Variants in PRDM16 observed in about 807,000 individuals in gnomAD.
PRDM16 encodes PR/SET domain 16.
A neutral mutation model predicts 110.6 loss-of-function variants in PRDM16; 23 were observed. The observed-to-expected ratio is 0.21, with a 90% CI of 0.15 to 0.29. The LOEUF (loss-of-function observed/expected upper bound fraction) is 0.29. Ranked by LOEUF, PRDM16 falls within the 10% of genes least tolerant of loss-of-function variation. The pLI is 1.00. For missense variants in PRDM16, 1,615 were observed against 1,794.3 expected (o/e 0.90, Z 1.81); for synonymous variants, 799 against 781.8 (o/e 1.02, Z -0.37).
rs567495919 is a variant in PRDM16, at chr1:3,279,491, T to C, written c.438+35354T>C. On this transcript the variant is annotated intron_variant, in intron 3 of 16. Transcript: ENST00000270722. ...GTCAGTCTGGGACGCCCTGCACGCC[T>C]GCCCCTGCCACCAGGCTGGCTTCCT... Among the ~76,000 whole-genome samples the C allele has an allele frequency of 7.2e-5, 11 of 152,358 alleles. No individual in the cohort carries two copies. In the South Asian group the frequency reaches 1.7e-3, roughly 23 times the overall value.
chr1:3,399,550 G>A (rs181018828), intron 5 of PRDM16, among the ~76,000 whole-genome samples: 32 of 152,302 alleles, frequency 2.1e-4, no homozygotes, highest in African/African-American at 7.0e-4. Context: ...CTCTGATGGG[G>A]GCCCAGCTCC....
At chr1:3,118,573 C>T (rs770023820) in intron 1 of PRDM16, among the ~76,000 whole-genome samples, 9 of 152,242 alleles carry the variant, frequency 5.9e-5, no homozygotes, top group Non-Finnish European at 8.8e-5. Context: ...GAACAAAACA[C>T]CACCAGGAGA....
intron 3 of PRDM16, among the ~76,000 whole-genome samples, chr1:3,299,898 C>T (rs2455138): frequency 4.4e-3 from 156 of 35,704 alleles, no homozygotes; most frequent in Middle Eastern, 0.019. Context: ...TTGAAGATGC[C>T]GTGCTGTGGC....
rs367790934 is a variant in PRDM16, at chr1:3,290,129, A to G, written c.438+45992A>G. Reference sequence around the variant, plus strand: ...CTCACAGAGTGCATGTGTCATGCTGATGTGACAAACCCGGGCGCTGTTCTC... The same window carrying G: ...CTCACAGAGTGCATGTGTCATGCTGGTGTGACAAACCCGGGCGCTGTTCTC... On this transcript the variant is annotated intron_variant, in intron 3 of 16. Transcript: ENST00000270722. The surrounding 1 kb of genome is among the most constrained non-coding windows in gnomAD (Gnocchi z 4.8). Among the ~76,000 whole-genome samples the G allele has an allele frequency of 3.9e-5, 6 of 152,308 alleles. No homozygotes were observed. The East Asian group carries it at 1.2e-3, about 29-fold the overall frequency.
At chr1:3,413,576 G>C (rs576966016) in intron 9 of PRDM16, among the ~76,000 whole-genome samples, 26 of 152,290 alleles carry the variant, frequency 1.7e-4, no homozygotes, top group Non-Finnish European at 3.5e-4. Flanking sequence ...TCCCCGCTTC[G>C]CCATGCAAGG....
At chr1:3,071,886 G>T (rs941881782) in intron 1 of PRDM16, among the ~76,000 whole-genome samples, 2 of 152,236 alleles carry the variant, frequency 1.3e-5, no homozygotes, top group Non-Finnish European at 2.9e-5. Flanking sequence ...TTTCGTTTGT[G>T]TTTCCCTGGA....
At chr1:3,140,677 C>T (rs962598020) in intron 1 of PRDM16, among the ~76,000 whole-genome samples, 11 of 152,248 alleles carry the variant, frequency 7.2e-5, no homozygotes, top group African/African-American at 2.2e-4. Context: ...CCAGGCAGCT[C>T]CTAGAAGGCG....
intron 3 of PRDM16, among the ~76,000 whole-genome samples, chr1:3,342,585 G>A (rs776778904): frequency 3.3e-5 from 5 of 152,188 alleles, no homozygotes; most frequent in African/African-American, 1.2e-4. Context: ...TTTGACACAC[G>A]TAGCCACCAC....
intron 9 of PRDM16, among the ~76,000 whole-genome samples, chr1:3,414,176 G>A (rs1472867843): frequency 6.6e-6 from 1 of 152,210 alleles, no homozygotes; most frequent in East Asian, 1.9e-4. Context: ...GTTAGGCCGG[G>A]GTGCACGGGG....
chr1:3,414,563 G>A lies in PRDM16; in HGVS notation c.2607G>A (p.Arg869=), dbSNP rs1012942050. The A allele has an allele frequency of 3.1e-6, 5 of 1,612,940 alleles. No homozygotes were observed. Among genetic ancestry groups the A allele is most frequent in the Admixed American group, 1.7e-5 (1 of 59,964 alleles). Residue 869 remains arginine (R), a synonymous_variant, in exon 10 of 17, where the codon AGG becomes AGA. Coordinates refer to ENST00000270722, the MANE Select transcript of PRDM16 (RefSeq NM_022114.4). ...AACCCTCTGTGCTGTTGTCCAGCAG[G>A]GTAGAAAAGCGGAAGGTCACAGACC... The part of the protein sequence containing the change: ...SPFFMDPIYS[R]VEKRKVTDPV...
At chr1:3,122,583 G>A (rs975054874) in intron 1 of PRDM16, among the ~76,000 whole-genome samples, 29 of 152,246 alleles carry the variant, frequency 1.9e-4, no homozygotes, top group South Asian at 1.5e-3. Context: ...TCAAGTGCCC[G>A]CAAGAGGAAG....
intron 14 of PRDM16, among the ~76,000 whole-genome samples, 189 bp from the exon 15 acceptor site, chr1:3,430,683 C>T (rs1176497949): frequency 6.6e-6 from 1 of 152,272 alleles, no homozygotes; most frequent in Non-Finnish European, 1.5e-5. Flanking sequence ...GGATCGCCCC[C>T]AGGCCTCCGT....
At chr1:3,174,766 A>C (rs745517548) in intron 1 of PRDM16, among the ~76,000 whole-genome samples, 1 of 152,092 alleles carries the variant, frequency 6.6e-6, no homozygotes, top group Non-Finnish European at 1.5e-5. Context: ...CCGTCTTCCC[A>C]GGCTCTCCCG....
At chr1:3,086,486 T>A (rs2100588515) in intron 1 of PRDM16, among the ~76,000 whole-genome samples, 1 of 152,264 alleles carries the variant, frequency 6.6e-6, no homozygotes, top group South Asian at 2.1e-4. Context: ...GTGTCCTCCC[T>A]TTGCTTCTGG....
chr1:3,285,627 C>T (rs72632154), intron 3 of PRDM16, among the ~76,000 whole-genome samples: 5,136 of 152,346 alleles, frequency 0.034, 102 homozygotes, highest in Middle Eastern at 0.071. Context: ...TGGTCATAGC[C>T]AGCCTGAGCC....
At chr1:3,432,838 C>T (rs114343189) in intron 16 of PRDM16, among the ~76,000 whole-genome samples, 2,416 of 152,298 alleles carry the variant, frequency 0.016, 62 homozygotes, top group African/African-American at 0.055. Flanking sequence ...CTGCCCTTAA[C>T]CCACACACGA....
chr1:3,435,937 C>T lies in PRDM16; in HGVS notation c.*2126C>T. The T allele has an allele frequency of 8.6e-6, 2 of 231,796 alleles. No homozygotes were observed. The highest frequency in any genetic ancestry group is 1.7e-5 in the Non-Finnish European group (2 of 117,122). 14.4% of individuals were successfully genotyped at this position (231,796 alleles called of 1,614,324 possible). ...CGTGCGCTGGGGCCATGGGGTGGCC[C>T]CGCCGGGGCAGCGGGGGAGCTGCCT... On this transcript the variant is annotated 3_prime_UTR_variant, in exon 17 of 17. Coordinates refer to ENST00000270722, the MANE Select transcript of PRDM16 (RefSeq NM_022114.4).
intron 2 of PRDM16, among the ~76,000 whole-genome samples, chr1:3,199,310 C>G (rs768247785): frequency 2.6e-5 from 4 of 152,076 alleles, no homozygotes; most frequent in Non-Finnish European, 5.9e-5. Context: ...GGGGCAGGGG[C>G]ACAAAAATAA....
chr1:3,171,053 C>A (rs1024504560), intron 1 of PRDM16, among the ~76,000 whole-genome samples: 1 of 152,212 alleles, frequency 6.6e-6, no homozygotes, highest in African/African-American at 2.4e-5. Context: ...CCTGTCCCAG[C>A]GGGACCCCGC....
Sources: gnomAD v4.1 joint callset for allele counts (sites outside exome capture counted in the v4.1 genomes callset) on GRCh38, gnomAD v4.1.1 for gene constraint, Gnocchi (gnomAD v3.1) non-coding constraint, MANE v1.5 for transcripts, NCBI Gene and HGNC (gene_info 2026-07-23, HGNC 2026-07-21) for gene names.